MTMR2: variants seen among roughly 807,000 people sequenced by gnomAD.
MTMR2 encodes the protein phosphatidylinositol-3,5-bisphosphate 3-phosphatase MTMR2.
MTMR2 carries 55 observed loss-of-function variants against 86.9 expected under a neutral mutation model. The ratio of observed to expected loss-of-function variants is 0.63; its 90% confidence interval spans 0.51 to 0.79. The LOEUF (loss-of-function observed/expected upper bound fraction) is 0.79, where lower values mean the gene tolerates loss of function less well. Among genes scored for constraint, MTMR2 ranks in the 30% least tolerant of loss-of-function variants. The pLI is 0.00. For synonymous variants in MTMR2, 241 were observed against 266.8 expected (o/e 0.90, Z 0.94); for missense variants, 659 against 772.3 (o/e 0.85, Z 1.74).
intron 1 of MTMR2, among the ~76,000 whole-genome samples, chr11:95,919,851 G>A (rs527874421): frequency 2.0e-5 from 3 of 151,956 alleles, no homozygotes; most frequent in East Asian, 1.9e-4. Flanking sequence ...GCACCTATTC[G>A]GCACTAGATA....
chr11:95,838,284 T>C (rs1863383502), intron 12 of MTMR2, 77 bp from the exon 13 acceptor site: 1 of 813,522 alleles, frequency 1.2e-6, no homozygotes, highest in Non-Finnish European at 2.2e-6. Flanking sequence ...GTAGATCCTT[T>C]TGAGGTAGTA....
intron 11 of MTMR2, among the ~76,000 whole-genome samples, chr11:95,843,373 C>A (rs1342587637): frequency 6.6e-6 from 1 of 152,054 alleles, no homozygotes; most frequent in East Asian, 1.9e-4. Context: ...GTTACAAAAC[C>A]ACACATGGGT....
chr11:95,835,336 GCT>G lies in MTMR2; in HGVS notation c.1884_1885del (p.Arg628SerfsTer30). The G allele has an allele frequency of 6.2e-7, 1 of 1,613,052 alleles. No individual in the cohort carries two copies. The highest frequency in any genetic ancestry group is 8.5e-7 in the Non-Finnish European group (1 of 1,179,326). On this transcript the variant is annotated frameshift_variant, in exon 15 of 15. Coordinates refer to ENST00000346299, the MANE Select transcript of MTMR2 (RefSeq NM_016156.6). LOFTEE classifies it high-confidence loss of function. ...AGTGACACACTGTGCAGGAGAGCTG[GCT>G]CTCTCTGAGGATGAGGTTGATCGGT...
At chr11:95,920,045 T>C (rs1458293384) in intron 1 of MTMR2, among the ~76,000 whole-genome samples, 1 of 152,212 alleles carries the variant, frequency 6.6e-6, no homozygotes. Flanking sequence ...ACTCTTATTA[T>C]CACATCTGAC....
chr11:95,912,419 A>AT (rs1341119033), intron 1 of MTMR2, among the ~76,000 whole-genome samples: 1 of 151,768 alleles, frequency 6.6e-6, no homozygotes, highest in Admixed American at 6.6e-5. Context: ...AAATATAATA[A>AT]TTTTTTAGAA....
At chr11:95,899,895 A>G (rs553100203) in intron 1 of MTMR2, among the ~76,000 whole-genome samples, 2 of 152,300 alleles carry the variant, frequency 1.3e-5, no homozygotes, top group Admixed American at 1.3e-4. Flanking sequence ...ATACCATGCT[A>G]AAAATCCAGA....
At chr11:95,891,101 T>C (rs1025374668) in intron 1 of MTMR2, among the ~76,000 whole-genome samples, 27 of 152,154 alleles carry the variant, frequency 1.8e-4, no homozygotes, top group African/African-American at 6.5e-4. Context: ...ATGGAGAGTG[T>C]ATTATCTAGA....
At chr11:95,889,351 T>G (rs942541943) in intron 1 of MTMR2, among the ~76,000 whole-genome samples, 1 of 152,034 alleles carries the variant, frequency 6.6e-6, no homozygotes, top group African/African-American at 2.4e-5. Context: ...CAGGCTGGTC[T>G]TGAACTCCTG....
chr11:95,862,201 G>T, intron 4 of MTMR2, 71 bp downstream of exon 4: 2 of 1,533,716 alleles, frequency 1.3e-6, no homozygotes, highest in East Asian at 2.3e-5. Context: ...AATTAGAAAT[G>T]ATCAGAAATG....
chr11:95,846,872 A>C (rs1863815842), intron 10 of MTMR2, among the ~76,000 whole-genome samples: 1 of 152,216 alleles, frequency 6.6e-6, no homozygotes. Context: ...GGGAAACAAT[A>C]GTAAAAATGG....
At chr11:95,862,862 G>C (rs1864477499) in intron 3 of MTMR2, among the ~76,000 whole-genome samples, 1 of 152,018 alleles carries the variant, frequency 6.6e-6, no homozygotes, top group South Asian at 2.1e-4. Context: ...AATACTTATG[G>C]GGAAAATTTT....
At chr11:95,862,416 A>G in intron 3 of MTMR2, 50 bp from the exon 4 acceptor site, 1 of 1,317,846 alleles carries the variant, frequency 7.6e-7, no homozygotes, top group Non-Finnish European at 1.1e-6. Context: ...TGCTATTAAA[A>G]CCTGCTATCT....
chr11:95,885,880 G>A (rs945890680), intron 2 of MTMR2, among the ~76,000 whole-genome samples: 4 of 152,156 alleles, frequency 2.6e-5, no homozygotes, highest in Non-Finnish European at 5.9e-5. Flanking sequence ...CATGTTGATA[G>A]TAAGTACTCT....
chr11:95,900,179 A>G (rs537772691), intron 1 of MTMR2, among the ~76,000 whole-genome samples: 2 of 152,268 alleles, frequency 1.3e-5, no homozygotes, highest in South Asian at 2.1e-4. Context: ...ATAGATTTTG[A>G]TATCATTGAA....
chr11:95,876,790 C>T (rs1268143465), intron 2 of MTMR2, among the ~76,000 whole-genome samples: 2 of 152,144 alleles, frequency 1.3e-5, no homozygotes, highest in Non-Finnish European at 2.9e-5. Flanking sequence ...GTGACTTTAA[C>T]TTCTTTTTTC....
intron 3 of MTMR2, among the ~76,000 whole-genome samples, chr11:95,864,610 T>C (rs546171961): frequency 4.6e-5 from 7 of 152,172 alleles, no homozygotes; most frequent in Admixed American, 4.6e-4. Flanking sequence ...TAATAGCCAA[T>C]TCTGAAAAAA....
At chr11:95,910,985 C>G (rs1268800048) in intron 1 of MTMR2, among the ~76,000 whole-genome samples, 1 of 152,016 alleles carries the variant, frequency 6.6e-6, no homozygotes, top group Non-Finnish European at 1.5e-5. Context: ...AAACAACCCC[C>G]CCAAAACAAA....
chr11:95,915,471 T>C (rs563683144), intron 1 of MTMR2, among the ~76,000 whole-genome samples: 9 of 152,132 alleles, frequency 5.9e-5, no homozygotes, highest in Non-Finnish European at 1.2e-4. Context: ...AATTATAAAC[T>C]CCTTATGTTT....
At chr11:95,865,853 T>C (rs1448966353) in intron 2 of MTMR2, among the ~76,000 whole-genome samples, 177 bp from the exon 3 acceptor site, 1 of 152,196 alleles carries the variant, frequency 6.6e-6, no homozygotes, top group Non-Finnish European at 1.5e-5. Context: ...TTAATGTTTT[T>C]CTAGAAAGCA....
Sources: allele counts gnomAD v4.1 joint callset (sites outside exome capture counted in the v4.1 genomes callset), GRCh38; gene constraint gnomAD v4.1.1; transcripts MANE v1.5; gene names NCBI Gene and HGNC (gene_info 2026-07-23, HGNC 2026-07-21).